The following FBXL16 variants were observed in gnomAD, a reference collection of about 807,000 sequenced individuals.
FBXL16 encodes the protein F-box/LRR-repeat protein 16.
FBXL16 carries 7 observed loss-of-function variants against 36.7 expected under a neutral mutation model. The observed-to-expected ratio is 0.19, with a 90% CI of 0.11 to 0.36. The LOEUF (loss-of-function observed/expected upper bound fraction) is 0.36. FBXL16 is among the 10% of genes least tolerant of loss of function. FBXL16 has a pLI of 1.00. For synonymous variants in FBXL16, 355 were observed against 308.7 expected, an observed-to-expected ratio of 1.15 and a Z score of -1.57; for missense variants, 463 against 659.4, an observed-to-expected ratio of 0.70 and a Z score of 3.26.
rs181135441 is a variant in FBXL16, at chr16:694,136, C to A, written c.*139G>T. The A allele has an allele frequency of 2.0e-6, 1 of 500,486 alleles. No homozygotes were observed. The highest frequency in any genetic ancestry group is 3.0e-6 in the Non-Finnish European group (1 of 329,382). 31.0% of individuals were successfully genotyped at this position (500,486 alleles called of 1,614,324 possible). On this transcript the variant is annotated 3_prime_UTR_variant, in exon 6 of 6. Transcript: ENST00000397621. ...CGAAGGTCGGGGAGGGGCTTTCCCT[C>A]GGCTCGCCCCGCCTCCCGCGCTGGG...
chr16:696,717 G>GT (rs2040014312), intron 2 of FBXL16, 56 bp downstream of exon 2: 1 of 1,452,318 alleles, frequency 6.9e-7, no homozygotes, highest in African/African-American at 1.4e-5. Flanking sequence ...CCTCCATAGG[G>GT]TTGCTGCTGC....
chr16:700,490 G>A (rs1038052696), intron 1 of FBXL16, among the ~76,000 whole-genome samples: 1 of 152,118 alleles, frequency 6.6e-6, no homozygotes, highest in Non-Finnish European at 1.5e-5. Context: ...AGGGGTGGAG[G>A]GGTCGCTACC....
In FBXL16 at chr16:692,585, A is replaced by G. The variant is rs2039979138; in HGVS notation, c.*1690T>C. The G allele has an allele frequency of 6.6e-6, 1 of 152,508 alleles. No homozygotes were observed. The highest frequency in any genetic ancestry group is 1.5e-5 in the Non-Finnish European group (1 of 68,040). 9.4% of individuals were successfully genotyped at this position (152,508 alleles called of 1,614,324 possible). On this transcript the variant is annotated 3_prime_UTR_variant, in exon 6 of 6. Transcript: ENST00000397621. The stretch of plus-strand genomic sequence containing the variant: ...AGAAACACTTACCAAATATAAGGTT[A>G]TATCTTCCGCATATACAGGAGAATG...
At chr16:704,992 C>T (rs777026549) in intron 1 of FBXL16, among the ~76,000 whole-genome samples, 34 of 152,220 alleles carry the variant, frequency 2.2e-4, no homozygotes, top group Non-Finnish European at 4.3e-4. Flanking sequence ...CCCGGTCCCG[C>T]CTCCAGAACC....
At chr16:696,174 CT>C in intron 2 of FBXL16, 1 of 472,750 alleles carries the variant, frequency 2.1e-6, no homozygotes. Flanking sequence ...CTGGGGGATC[CT>C]TTCCCAGCTG....
rs528775401 is a variant in FBXL16, at chr16:702,211, C to G, written c.-15+3301G>C. On this transcript the variant is annotated intron_variant, in intron 1 of 5. Coordinates refer to ENST00000397621, the MANE Select transcript of FBXL16 (RefSeq NM_153350.4). The stretch of plus-strand genomic sequence containing the variant: ...TCCGGCCCCTTCCCAGCCCTGATGC[C>G]ACAGCCCAGCCATGCCATTCCTCCT... 3.3e-5 allele frequency among the ~76,000 whole-genome samples: 5 copies of G among 152,258 alleles called. No homozygotes were observed. In the South Asian group the frequency reaches 1.0e-3, roughly 32 times the overall value.
At position 694,584 on chromosome 16, in the gene FBXL16, G is replaced by A. The variant is rs761147545; in HGVS notation, c.1291+50C>T. ...CGGGCAGGTTGGGCGGGTGGACTAA[G>A]TGGGGGTGGGTGGTCACTGCCAGCG... On this transcript the variant is annotated intron_variant, in intron 5 of 5. Transcript: ENST00000397621. 2.6e-5 allele frequency: 40 copies of A among 1,567,860 alleles called. No homozygotes were observed. The African/African-American group carries it at 4.6e-4, about 18-fold the overall frequency.
intron 1 of FBXL16, among the ~76,000 whole-genome samples, chr16:701,302 G>C (rs1037085865): frequency 1.3e-5 from 2 of 152,202 alleles, no homozygotes; most frequent in Non-Finnish European, 2.9e-5. Context: ...CTCTGCCTGT[G>C]GTCAGCCCTC....
chr16:696,640 G>A (rs187343236), intron 2 of FBXL16, 133 bp downstream of exon 2: 960 of 484,394 alleles, frequency 2.0e-3, no homozygotes, highest in African/African-American at 5.5e-3. Context: ...CCACATTTTC[G>A]CTTTGCGCGA....
intron 1 of FBXL16, among the ~76,000 whole-genome samples, chr16:702,048 G>A (rs961639765): frequency 2.6e-5 from 4 of 152,156 alleles, no homozygotes; most frequent in Admixed American, 6.5e-5. Context: ...TAGGGAGCAC[G>A]GTGGGGCCTG....
Position 697,212 on chromosome 16 carries a change from G to A in FBXL16, c.194C>T (p.Ser65Phe). Reference protein sequence around the residue: ...LPPPSLAAPLSRAALAGGPCT... With the variant: ...LPPPSLAAPLFRAALAGGPCT... ...CGGGCCCCCAGCCAGGGCAGCCCGGGACAGTGGAGCAGCCAGGCTGGGTGG... is the reference window on the plus strand; with the variant it reads ...CGGGCCCCCAGCCAGGGCAGCCCGGAACAGTGGAGCAGCCAGGCTGGGTGG... The change falls in exon 2 of 6, where the codon TCC becomes TTC. Residue 65 changes from serine (S) to phenylalanine (F), a missense_variant. Coordinates refer to ENST00000397621, the MANE Select transcript of FBXL16 (RefSeq NM_153350.4). This position sits in a 1 kb window ranked among gnomAD's most constrained non-coding sequence, Gnocchi z 4.6. 2.0e-6 allele frequency: 3 copies of A among 1,520,442 alleles called. No individual in the cohort carries two copies. The highest frequency in any genetic ancestry group is 2.6e-6 in the Non-Finnish European group (3 of 1,140,292). The allele number at this position is 1,520,442 out of a possible 1,614,324, so 94.2% of individuals were successfully genotyped here. A position where few individuals can be genotyped will look rare whatever the true frequency, so the allele number is the denominator to read the frequency against.
At position 695,615 on chromosome 16, in the gene FBXL16, G is replaced by A. The variant is rs768591268; in HGVS notation, c.942C>T (p.Asn314=). 6.2e-7 allele frequency: 1 copy of A among 1,606,470 alleles called. No individual in the cohort carries two copies. Among genetic ancestry groups the A allele is most frequent in the Non-Finnish European group, 8.5e-7 (1 of 1,178,934 alleles). Residue 314 remains asparagine (N), a synonymous_variant, in exon 3 of 6, where the codon AAC becomes AAT. Transcript: ENST00000397621. ...TGAGGTTGGGCAGGCTGTGCACCACGTTGACCACGCCGTGGTTGGTGATCT... is the reference window on the plus strand; with the variant it reads ...TGAGGTTGGGCAGGCTGTGCACCACATTGACCACGCCGTGGTTGGTGATCT... ...CWEITNHGVV[N]VVHSLPNLTA... is the part of the protein sequence containing the mutation.
At chr16:703,701 C>T (rs1419331668) in intron 1 of FBXL16, among the ~76,000 whole-genome samples, 2 of 152,250 alleles carry the variant, frequency 1.3e-5, no homozygotes, top group Non-Finnish European at 2.9e-5. Context: ...GCACCAGGGG[C>T]TCTGAGGAGG....
In FBXL16 at chr16:695,058, G is replaced by A. The variant is rs1450012992; in HGVS notation, c.1161C>T (p.Asp387=). The A allele has an allele frequency of 6.2e-7, 1 of 1,606,140 alleles. No homozygotes were observed. The highest frequency in any genetic ancestry group is 8.5e-7 in the Non-Finnish European group (1 of 1,175,890). The part of the protein sequence containing the change: ...LVLDRCVRIT[D]TGLSYLSTMS... ...TGGTGGACAGATAGCTGAGGCCAGT[G>A]TCCGTGATGCGTACACACCTGTGGT... Residue 387 remains aspartate, a synonymous_variant, in exon 4 of 6, where the codon GAC becomes GAT. Transcript: ENST00000397621.
At chr16:703,057 T>C (rs2040068226) in intron 1 of FBXL16, among the ~76,000 whole-genome samples, 1 of 152,166 alleles carries the variant, frequency 6.6e-6, no homozygotes, top group Admixed American at 6.5e-5. Context: ...AGAGCTAGGA[T>C]TGGCTCCAAA....
In FBXL16 at chr16:694,678, T is replaced by C; in HGVS notation, c.1247A>G (p.Lys416Arg). 6.2e-7 allele frequency: 1 copy of C among 1,608,674 alleles called. No homozygotes were observed. Among genetic ancestry groups the C allele is most frequent in the Non-Finnish European group, 8.5e-7 (1 of 1,177,942 alleles). The part of the protein sequence containing the change: ...WCCQVQDFGL[K>R]HLLALGSLRL... ...CAAACTCCCCAGGGCCAGGAGGTGC[T>C]TCAGCCCGAAGTCTTGCACCTGTCG... is the stretch of plus-strand genomic sequence containing the variant. Residue 416 changes from lysine to arginine, a missense_variant, in exon 5 of 6, where the codon AAG becomes AGG. Physicochemically the swap from Lys to Arg is conservative, Grantham distance 26. This residue lies in a region of FBXL16 where 134 missense variants were observed against 172.0 expected (regional missense o/e 0.78). Coordinates refer to ENST00000397621, the MANE Select transcript of FBXL16 (RefSeq NM_153350.4).
chr16:700,488 A>G (rs1265807642), intron 1 of FBXL16, among the ~76,000 whole-genome samples: 1 of 151,990 alleles, frequency 6.6e-6, no homozygotes, highest in East Asian at 1.9e-4. Context: ...TTAGGGGTGG[A>G]GGGGTCGCTA....
At chr16:700,173 C>T (rs1330045019) in intron 1 of FBXL16, among the ~76,000 whole-genome samples, 2 of 152,200 alleles carry the variant, frequency 1.3e-5, no homozygotes, top group African/African-American at 2.4e-5. Context: ...GGGTGTAGAC[C>T]GGAGCCGGGA....
chr16:697,076 C>T lies in FBXL16; in HGVS notation c.330G>A (p.Ser110=), dbSNP rs760687370. 9 of 1,605,790 alleles carry T rather than the reference C, an allele frequency of 5.6e-6. No homozygotes were observed. The highest frequency in any genetic ancestry group is 1.7e-4 in the Middle Eastern group (1 of 6,050). ...GGGCCAGCACACACTTCTCGCAGGC[C>T]GAGAAATACCAGAAGAGCCCATTGA... ...KILNGLFWYF[S]ACEKCVLAQV... is the part of the protein sequence containing the mutation. The change falls in exon 2 of 6, where the codon TCG becomes TCA. Residue 110 remains serine, a synonymous_variant. Transcript: ENST00000397621. The surrounding 1 kb of genome is among the most constrained non-coding windows in gnomAD (Gnocchi z 4.6).
Sources: gnomAD v4.1 joint callset for allele counts (sites outside exome capture counted in the v4.1 genomes callset) on GRCh38, gnomAD v4.1.1 for gene constraint, gnomAD v4.1.1 regional missense constraint, Gnocchi (gnomAD v3.1) non-coding constraint, MANE v1.5 for transcripts, NCBI Gene and HGNC (gene_info 2026-07-23, HGNC 2026-07-21) for gene names.